The following ATP8A2 variants were observed in gnomAD, a reference collection of about 807,000 sequenced individuals.
The protein encoded by ATP8A2 is phospholipid-transporting ATPase IB.
Under a neutral mutation model 165.6 loss-of-function variants are expected in ATP8A2, and 100 were observed. The observed-to-expected ratio is 0.60, with a 90% CI of 0.51 to 0.71. The LOEUF (loss-of-function observed/expected upper bound fraction) is 0.71, where lower values mean the gene tolerates loss of function less well. ATP8A2 is among the 30% of genes least tolerant of loss of function. ATP8A2 has a pLI of 0.00. For synonymous variants in ATP8A2, 543 were observed against 548.8 expected (o/e 0.99, Z 0.15); for missense variants, 1,227 against 1,479.5 (o/e 0.83, Z 2.80).
At chr13:25,388,626 G>A (rs1052250951) in intron 1 of ATP8A2, among the ~76,000 whole-genome samples, 3 of 152,282 alleles carry the variant, frequency 2.0e-5, no homozygotes, top group African/African-American at 4.8e-5. Flanking sequence ...TAACATAACC[G>A]ATCAGGTCAG....
chr13:25,939,006 C>T (rs373554444), intron 33 of ATP8A2, among the ~76,000 whole-genome samples: 11 of 152,252 alleles, frequency 7.2e-5, no homozygotes, highest in East Asian at 5.8e-4. Context: ...CCACGCCCGG[C>T]TAATTGTTGT....
rs922231950 is a variant in ATP8A2, at chr13:25,750,717, C to T, written c.2385-18329C>T. Among the ~76,000 whole-genome samples, 2 of 152,026 alleles carry T rather than the reference C, an allele frequency of 1.3e-5. No individual in the cohort carries two copies. Among genetic ancestry groups the T allele is most frequent in the African/African-American group, 4.8e-5 (2 of 41,380 alleles). ...AGTTTTGGCATCGAGTTTATACGAG[C>T]ACATGGGCATCAAAAAGCTTGCGAA... On this transcript the variant is annotated intron_variant, in intron 25 of 36. Coordinates refer to ENST00000381655, the MANE Select transcript of ATP8A2 (RefSeq NM_016529.6). The surrounding 1 kb of genome is among the most constrained non-coding windows in gnomAD (Gnocchi z 4.3).
chr13:25,773,740 ATC>A (rs1261694480), intron 26 of ATP8A2, among the ~76,000 whole-genome samples: 1 of 151,922 alleles, frequency 6.6e-6, no homozygotes, highest in African/African-American at 2.4e-5. Context: ...TTGTATGAGT[ATC>A]TATGTATGTG....
intron 24 of ATP8A2, among the ~76,000 whole-genome samples, chr13:25,695,736 C>T (rs1432057368): frequency 6.6e-6 from 1 of 152,210 alleles, no homozygotes; most frequent in Non-Finnish European, 1.5e-5. Context: ...CTTCAGGCTT[C>T]ACTTCTAATT....
At chr13:25,882,820 G>A (rs1953020064) in intron 33 of ATP8A2, among the ~76,000 whole-genome samples, 1 of 152,072 alleles carries the variant, frequency 6.6e-6, no homozygotes, top group South Asian at 2.1e-4. Flanking sequence ...ACTCACTGAT[G>A]GAGGGGCGCT....
At chr13:25,867,413 G>A (rs1160064952) in intron 33 of ATP8A2, among the ~76,000 whole-genome samples, 1 of 152,164 alleles carries the variant, frequency 6.6e-6, no homozygotes, top group Non-Finnish European at 1.5e-5. Flanking sequence ...TGAGAAGTTG[G>A]GGTGATGTCA....
intron 1 of ATP8A2, among the ~76,000 whole-genome samples, chr13:25,457,059 T>G (rs1220201158): frequency 2.0e-5 from 3 of 152,180 alleles, no homozygotes; most frequent in Non-Finnish European, 4.4e-5. Context: ...TCAAAGCCGT[T>G]CTGGGCTACA....
Position 25,372,172 on chromosome 13 carries a change from C to T in ATP8A2, c.-41C>T. Reference sequence around the variant, plus strand: ...TGCGCCCAGCCCTGCGCGTAGCCTCCGTCTCTCGCCCGGGGCCGCCGAGCC... The same window carrying T: ...TGCGCCCAGCCCTGCGCGTAGCCTCTGTCTCTCGCCCGGGGCCGCCGAGCC... On this transcript the variant is annotated 5_prime_UTR_variant, in exon 1 of 37. Coordinates refer to ENST00000381655, the MANE Select transcript of ATP8A2 (RefSeq NM_016529.6). This position sits in a 1 kb window ranked among gnomAD's most constrained non-coding sequence, Gnocchi z 4.8. 2 of 1,376,634 alleles carry T rather than the reference C, an allele frequency of 1.5e-6. No homozygotes were observed. The highest frequency in any genetic ancestry group is 1.9e-6 in the Non-Finnish European group (2 of 1,044,330). 85.3% of individuals were successfully genotyped at this position (1,376,634 alleles called of 1,614,324 possible). A position where few individuals can be genotyped will look rare whatever the true frequency, so the allele number is the denominator to read the frequency against.
intron 33 of ATP8A2, among the ~76,000 whole-genome samples, chr13:25,936,262 T>C (rs1041294887): frequency 1.5e-4 from 23 of 152,178 alleles, no homozygotes; most frequent in Non-Finnish European, 2.9e-4. Context: ...GCATGTATGC[T>C]CATCTGACGG....
chr13:25,672,538 C>A (rs2042289155), intron 24 of ATP8A2, among the ~76,000 whole-genome samples: 1 of 152,162 alleles, frequency 6.6e-6, no homozygotes, highest in African/African-American at 2.4e-5. Context: ...TTTTTCAAAT[C>A]TGTGCCACCT....
At chr13:25,976,766 G>A (rs1189263427) in intron 35 of ATP8A2, among the ~76,000 whole-genome samples, 2 of 151,798 alleles carry the variant, frequency 1.3e-5, no homozygotes, top group African/African-American at 2.4e-5. Context: ...AAAAGAGTGT[G>A]TGAAAGCGGC....
Position 25,839,564 on chromosome 13 carries a change from A to C in ATP8A2, c.2896A>C (p.Ile966Leu), listed in dbSNP as rs202061089. 12 of 1,614,018 alleles carry C rather than the reference A, an allele frequency of 7.4e-6. No individual in the cohort carries two copies. The highest frequency in any genetic ancestry group is 1.0e-5 in the Non-Finnish European group (12 of 1,179,988). The change falls in exon 30 of 37, where the codon ATC (isoleucine) becomes CTC (leucine). Residue 966 changes from isoleucine to leucine, a missense_variant. Ile to Leu is a conservative substitution (Grantham distance 5). This residue lies in a region of ATP8A2 where 260 missense variants were observed against 245.1 expected (regional missense o/e 1.06). Transcript: ENST00000381655. The part of the protein sequence containing the change: ...FNTKVFWGHC[I>L]NALVHSLILF... ...TCCTTAGGTTTTCTGGGGTCACTGC[A>C]TCAACGCCTTGGTCCACTCCCTCAT...
rs551065129 is a variant in ATP8A2 at position 25,992,365 on chromosome 13, C to T, written c.3378-20166C>T. The stretch of plus-strand genomic sequence containing the variant: ...GCCAACTATAGTCACTCTGGTGAAA[C>T]GTCTTTTCATGGCCTTTGACCATTT... On this transcript the variant is annotated intron_variant, in intron 35 of 36. Transcript: ENST00000381655. Among the ~76,000 whole-genome samples the T allele has an allele frequency of 1.7e-4, 26 of 151,872 alleles. No individual in the cohort carries two copies. The South Asian group carries it at 4.2e-3, about 24-fold the overall frequency.
chr13:25,487,068 ACAGT>A (rs1200016822), intron 2 of ATP8A2, among the ~76,000 whole-genome samples: 2 of 151,542 alleles, frequency 1.3e-5, no homozygotes, highest in Non-Finnish European at 2.9e-5. Flanking sequence ...GACTTGAAAG[ACAGT>A]CTCTAACTAA....
chr13:25,671,763 T>G (rs1035127204), intron 24 of ATP8A2, among the ~76,000 whole-genome samples: 51 of 152,218 alleles, frequency 3.4e-4, no homozygotes, highest in African/African-American at 1.2e-3. Flanking sequence ...TAATTTTGCC[T>G]CGGTCCTGTG....
In ATP8A2 at chr13:25,866,043, A is replaced by G. The variant is rs192894597; in HGVS notation, c.3183+3635A>G. Among the ~76,000 whole-genome samples the G allele has an allele frequency of 2.6e-5, 4 of 152,280 alleles. No homozygotes were observed. In the East Asian group the frequency reaches 5.8e-4, roughly 22 times the overall value. On this transcript the variant is annotated intron_variant, in intron 33 of 36. Coordinates refer to ENST00000381655, the MANE Select transcript of ATP8A2 (RefSeq NM_016529.6). ...ATCCCTTAGGTCACCACCTTCCCCAAAGTTGCCTGCTGAAGTAGAACTTTG... is the reference window on the plus strand; with the variant it reads ...ATCCCTTAGGTCACCACCTTCCCCAGAGTTGCCTGCTGAAGTAGAACTTTG...
chr13:25,710,497 G>A (rs2043138082), intron 25 of ATP8A2, among the ~76,000 whole-genome samples: 1 of 152,148 alleles, frequency 6.6e-6, no homozygotes, highest in African/African-American at 2.4e-5. Context: ...ATAGGTCTCC[G>A]TAAGATCTAT....
Position 25,601,342 on chromosome 13 carries a change from GTCA to G in ATP8A2, c.2211+11648_2211+11650del, listed in dbSNP as rs2040380716. ...CATGTATAATATGCATAGGCATAAT[GTCA>G]TCATTTGTTGCTTTAAGATGAATAC... On this transcript the variant is annotated intron_variant, in intron 24 of 36. Transcript: ENST00000381655. 2.0e-5 allele frequency among the ~76,000 whole-genome samples: 3 copies of G among 152,362 alleles called. No homozygotes were observed. The South Asian group carries it at 6.2e-4, about 32-fold the overall frequency.
At chr13:25,774,807 C>A (rs1458878364) in intron 26 of ATP8A2, 42 bp from the exon 27 acceptor site, 2 of 1,164,712 alleles carry the variant, frequency 1.7e-6, no homozygotes, top group African/African-American at 1.5e-5. Context: ...TTTTATTCCT[C>A]AATGATGGGC....
Sources: allele counts gnomAD v4.1 joint callset (sites outside exome capture counted in the v4.1 genomes callset), GRCh38; gene constraint gnomAD v4.1.1; regional missense constraint gnomAD v4.1.1; non-coding constraint Gnocchi (gnomAD v3.1); transcripts MANE v1.5; gene names NCBI Gene and HGNC (gene_info 2026-07-23, HGNC 2026-07-21).